The following DGKB variants were observed in gnomAD, a reference collection of about 807,000 sequenced individuals.
DGKB encodes the protein 90 kDa diacylglycerol kinase.
DGKB carries 67 observed loss-of-function variants against 114.3 expected under a neutral mutation model. The ratio of observed to expected loss-of-function variants is 0.59; its 90% CI spans 0.48 to 0.72. DGKB has a LOEUF of 0.72. Ranked by LOEUF, DGKB falls within the 30% of genes least tolerant of loss-of-function variation. The pLI is 0.00. For synonymous variants in DGKB, 398 were observed against 323.1 expected (o/e 1.23, Z -2.49); for missense variants, 907 against 975.2 (o/e 0.93, Z 0.93).
intron 23 of DGKB, among the ~76,000 whole-genome samples, chr7:14,205,977 G>A (rs1248837001): frequency 6.6e-6 from 1 of 151,576 alleles, no homozygotes; most frequent in African/African-American, 2.4e-5. Flanking sequence ...ATAGACTTTG[G>A]GTAAGATCAT....
chr7:14,344,754 GTCTTT>G, intron 22 of DGKB, among the ~76,000 whole-genome samples: 1 of 149,422 alleles, frequency 6.7e-6, no homozygotes, highest in East Asian at 2.0e-4. Context: ...TTTAAAATGT[GTCTTT>G]TCTTGCTATC....
intron 1 of DGKB, among the ~76,000 whole-genome samples, chr7:14,944,560 A>G (rs1339792959): frequency 1.3e-5 from 2 of 151,814 alleles, no homozygotes; most frequent in Non-Finnish European, 2.9e-5. Flanking sequence ...TAATACGTAA[A>G]CCGCTATTAC....
chr7:14,414,598 C>A (rs950256826), intron 21 of DGKB, among the ~76,000 whole-genome samples: 1 of 152,050 alleles, frequency 6.6e-6, no homozygotes, highest in Non-Finnish European at 1.5e-5. Flanking sequence ...TTTCTTACAA[C>A]ATTAAAATTC....
intron 20 of DGKB, among the ~76,000 whole-genome samples, chr7:14,536,738 T>C (rs762721246): frequency 1.9e-4 from 29 of 152,098 alleles, no homozygotes; most frequent in Admixed American, 5.2e-4. Flanking sequence ...AGAGAAATGC[T>C]GAAAGCTTTT....
chr7:14,947,709 G>T (rs913655729), intron 1 of DGKB, among the ~76,000 whole-genome samples: 1 of 151,572 alleles, frequency 6.6e-6, no homozygotes, highest in African/African-American at 2.4e-5. Flanking sequence ...TAGAAGTTGG[G>T]GAAAGAGTTG....
intron 1 of DGKB, among the ~76,000 whole-genome samples, chr7:14,929,532 T>G (rs896207966): frequency 3.3e-5 from 5 of 152,154 alleles, no homozygotes; most frequent in African/African-American, 1.2e-4. Flanking sequence ...TTTTGGAAAA[T>G]GTCTATTCAT....
intron 23 of DGKB, among the ~76,000 whole-genome samples, chr7:14,305,334 A>G (rs1804287275): frequency 6.6e-6 from 1 of 152,070 alleles, no homozygotes; most frequent in African/African-American, 2.4e-5. Flanking sequence ...TACTACCTCC[A>G]TGAGATCAAT....
intron 23 of DGKB, among the ~76,000 whole-genome samples, chr7:14,272,932 A>C (rs1302065189): frequency 2.0e-5 from 3 of 152,228 alleles, no homozygotes; most frequent in Non-Finnish European, 4.4e-5. Flanking sequence ...ATTTGGGGGA[A>C]TACATGGAAT....
intron 10 of DGKB, among the ~76,000 whole-genome samples, chr7:14,683,165 C>G (rs1821122457): frequency 2.0e-5 from 3 of 152,082 alleles, no homozygotes; most frequent in Admixed American, 6.6e-5. Context: ...TGATGACTGC[C>G]AAATGGCTTG....
At chr7:14,517,813 A>C (rs555987095) in intron 20 of DGKB, among the ~76,000 whole-genome samples, 1 of 152,242 alleles carries the variant, frequency 6.6e-6, no homozygotes, top group Non-Finnish European at 1.5e-5. Flanking sequence ...AAAAAGTAAC[A>C]GATGCTGGCG....
chr7:14,240,580 T>A (rs1562712308), intron 23 of DGKB, among the ~76,000 whole-genome samples: 4 of 152,072 alleles, frequency 2.6e-5, no homozygotes, highest in Admixed American at 2.6e-4. Flanking sequence ...GAACTATGTC[T>A]CTCTATCTCC....
At chr7:14,552,983 G>A (rs1329369761) in intron 20 of DGKB, among the ~76,000 whole-genome samples, 1 of 152,230 alleles carries the variant, frequency 6.6e-6, no homozygotes, top group Non-Finnish European at 1.5e-5. Flanking sequence ...GATAGTGACG[G>A]CTTTGAGATC....
chr7:14,373,206 C>T (rs113191031), intron 21 of DGKB, among the ~76,000 whole-genome samples: 144 of 152,294 alleles, frequency 9.5e-4, no homozygotes, highest in African/African-American at 3.5e-3. Flanking sequence ...TGGAACATGA[C>T]AGAGAATAAT....
intron 2 of DGKB, among the ~76,000 whole-genome samples, chr7:14,815,529 G>A (rs1844005122): frequency 6.6e-6 from 1 of 152,182 alleles, no homozygotes; most frequent in South Asian, 2.1e-4. Context: ...CATTCCACAT[G>A]ATTATTTTTT....
intron 21 of DGKB, among the ~76,000 whole-genome samples, chr7:14,410,081 T>A (rs1354602052): frequency 6.6e-6 from 1 of 152,038 alleles, no homozygotes; most frequent in South Asian, 2.1e-4. Context: ...ACTCTTGCAA[T>A]GTTGAAGGGT....
chr7:14,616,314 G>A (rs1460459819), intron 15 of DGKB, among the ~76,000 whole-genome samples: 1 of 150,346 alleles, frequency 6.7e-6, no homozygotes, highest in African/African-American at 2.4e-5. Flanking sequence ...ACTATTATTG[G>A]GACAACTGAT....
chr7:14,236,328 T>C (rs1386044400), intron 23 of DGKB, among the ~76,000 whole-genome samples: 1 of 148,464 alleles, frequency 6.7e-6, no homozygotes, highest in Non-Finnish European at 1.5e-5. Context: ...AAATGGAGAG[T>C]ATTCATTCCA....
chr7:14,723,831 T>C (rs1525099), intron 5 of DGKB, among the ~76,000 whole-genome samples: 88,836 of 151,924 alleles, frequency 0.58, 26,784 homozygotes, highest in East Asian at 0.88. Flanking sequence ...ATGTTGCCTA[T>C]GATTATCACA....
intron 15 of DGKB, among the ~76,000 whole-genome samples, chr7:14,616,268 A>C (rs1806502603): frequency 6.7e-6 from 1 of 149,672 alleles, no homozygotes; most frequent in African/African-American, 2.4e-5. Context: ...AATAACAGAA[A>C]ACTAATATGA....
Sources: allele counts gnomAD v4.1 joint callset (sites outside exome capture counted in the v4.1 genomes callset), GRCh38; gene constraint gnomAD v4.1.1; transcripts MANE v1.5; gene names NCBI Gene and HGNC (gene_info 2026-07-23, HGNC 2026-07-21).